HR: variants seen among roughly 807,000 people sequenced by gnomAD.
HR encodes HR lysine demethylase and nuclear receptor corepressor, also known as lysine-specific demethylase hairless.
A neutral mutation model predicts 128.6 loss-of-function variants in HR; 83 were observed. The observed-to-expected ratio is 0.65, with a 90% CI of 0.54 to 0.77. The LOEUF (loss-of-function observed/expected upper bound fraction) is 0.77, where lower values mean the gene tolerates loss of function less well. Ranked by LOEUF, HR falls within the 30% of genes least tolerant of loss-of-function variation. The pLI is 0.00. For missense variants in HR, 1,490 were observed against 1,574.6 expected, an observed-to-expected ratio of 0.95 and a Z score of 0.91; for synonymous variants, 681 against 658.2, an observed-to-expected ratio of 1.03 and a Z score of -0.53.
At chr8:22,126,989 G>T in intron 3 of HR, 48 bp downstream of exon 3, 1 of 893,294 alleles carries the variant, frequency 1.1e-6, no homozygotes, top group Non-Finnish European at 1.8e-6. Flanking sequence ...CCCCAGCCCC[G>T]GCTGCCCCCT....
intron 14 of HR, 150 bp downstream of exon 14, chr8:22,119,610 C>T (rs957179979): frequency 9.7e-7 from 1 of 1,026,680 alleles, no homozygotes; most frequent in Non-Finnish European, 1.3e-6. Context: ...TCCGTCTCAA[C>T]AACAACAAAA....
Position 22,127,416 on chromosome 8 carries a change from C to G in HR, c.1026G>C (p.Gly342=). 2 of 1,613,180 alleles carry G rather than the reference C, an allele frequency of 1.2e-6. No individual in the cohort carries two copies. The highest frequency in any genetic ancestry group is 8.5e-7 in the Non-Finnish European group (1 of 1,179,802). ...PTKGGGLGPC[G]KCQEGLEGGA... ...CCCCCTCCAGGCCCTCCTGGCACTT[C>G]CCACAAGGGCCAAGACCCCCACCTT... The change falls in exon 3 of 19, where the codon GGG becomes GGC. Residue 342 remains glycine, a synonymous_variant. Transcript: ENST00000381418.
In HR at chr8:22,127,693, T is replaced by C. The variant is rs1347994461; in HGVS notation, c.749A>G (p.Gln250Arg). 1.2e-6 allele frequency: 2 copies of C among 1,609,786 alleles called. No individual in the cohort carries two copies. Among genetic ancestry groups the C allele is most frequent in the Non-Finnish European group, 1.7e-6 (2 of 1,180,000 alleles). ...GCCAGCTCCCATCTCTCCATCCCTC[T>C]GGTGCAGTGAAGGGCGTTCGGCCTC... ...AGEAERPSLHQRDGEMGAGRQ... is the reference protein window; with the variant it reads ...AGEAERPSLHRRDGEMGAGRQ... The change falls in exon 3 of 19, where the codon CAG (glutamine) becomes CGG (arginine). Residue 250 changes from glutamine (Q) to arginine (R), a missense_variant. This residue lies in a region of HR where 1,060 missense variants were observed against 1,060.9 expected (regional missense o/e 1.00). Coordinates refer to ENST00000381418, the MANE Select transcript of HR (RefSeq NM_005144.5).
At chr8:22,120,220 C>T in intron 12 of HR, 47 bp from the exon 13 acceptor site, 1 of 1,596,526 alleles carries the variant, frequency 6.3e-7, no homozygotes, top group Non-Finnish European at 8.5e-7. Flanking sequence ...GCCCTGAAGC[C>T]CCTGCCCCGG....
In HR at chr8:22,122,577, C is replaced by G; in HGVS notation, c.2037G>C (p.Gln679His). The change falls in exon 8 of 19, where the codon CAG becomes CAC. Residue 679 changes from glutamine (Q) to histidine (H), a missense_variant. Gln to His is a conservative substitution (Grantham distance 24). Around this residue, in one of 3 missense-constraint regions of HR, gnomAD observed 1,060 missense variants for 1,060.9 expected, o/e 1.00. Coordinates refer to ENST00000381418, the MANE Select transcript of HR (RefSeq NM_005144.5). ...CCCGGATATCAAACTTGACCCAGAC[C>G]TGGTGCATTGCAGTGCTCAGCTCTG... ...ALAELSTAMH[Q>H]VWVKFDIRGH... The G allele has an allele frequency of 6.2e-7, 1 of 1,609,580 alleles. No homozygotes were observed. Among genetic ancestry groups the G allele is most frequent in the Non-Finnish European group, 8.5e-7 (1 of 1,177,394 alleles).
chr8:22,126,997 C>G (rs762847045), intron 3 of HR, 40 bp downstream of exon 3: 2 of 1,582,264 alleles, frequency 1.3e-6, no homozygotes, highest in East Asian at 2.2e-5. Context: ...CCGGCTGCCC[C>G]CTCCCACGCA....
chr8:22,123,617 T>TCAC, intron 6 of HR, 32 bp downstream of exon 6: 69 of 292,092 alleles, frequency 2.4e-4, no homozygotes, highest in South Asian at 5.8e-4. Context: ...GAGGGCTCCA[T>TCAC]CCCGCCCTCC....
intron 5 of HR, among the ~76,000 whole-genome samples, chr8:22,124,781 C>T (rs756181013): frequency 4.6e-5 from 7 of 152,084 alleles, no homozygotes; most frequent in African/African-American, 1.2e-4. Context: ...TCCAGGGAGC[C>T]GGGAAGGGAA....
In HR at chr8:22,119,839, A is replaced by G. The variant is rs773484779; in HGVS notation, c.2898T>C (p.His966=). 3.1e-6 allele frequency: 5 copies of G among 1,613,706 alleles called. No homozygotes were observed. In the East Asian group the frequency reaches 8.9e-5, roughly 29 times the overall value. Residue 966 remains histidine, a synonymous_variant, in exon 14 of 19, where the codon CAT becomes CAC. Transcript: ENST00000381418. The part of the protein sequence containing the change: ...SLPLPEYCAL[H]GKLNLASYLP... The stretch of plus-strand genomic sequence containing the variant: ...GGTAGGAAGCCAGGTTGAGTTTTCC[A>G]TGGAGGGCGCAGTACTCCGGAAGTG...
At position 22,125,481 on chromosome 8, in the gene HR, T is replaced by G. The variant is rs1180706531; in HGVS notation, c.1580A>C (p.Gln527Pro). The G allele has an allele frequency of 1.2e-6, 2 of 1,613,540 alleles. No individual in the cohort carries two copies. Among genetic ancestry groups the G allele is most frequent in the Admixed American group, 1.7e-5 (1 of 60,012 alleles). Reference protein sequence around the residue: ...VRRSPLGGELQQEEDTATNSS... With the variant: ...VRRSPLGGELPQEEDTATNSS... ...GTTGGTGGCTGTGTCTTCCTCCTGC[T>G]GCAGCTCCCCTCCCAGAGGCGATCT... Residue 527 changes from glutamine to proline, a missense_variant, in exon 5 of 19, where the codon CAG (glutamine) becomes CCG (proline). Physicochemically the swap from Gln to Pro is moderately conservative, Grantham distance 76. Around this residue, in one of 3 missense-constraint regions of HR, gnomAD observed 1,060 missense variants for 1,060.9 expected, o/e 1.00. Coordinates refer to ENST00000381418, the MANE Select transcript of HR (RefSeq NM_005144.5).
chr8:22,120,299 C>G, intron 12 of HR, 43 bp downstream of exon 12: 1 of 1,613,490 alleles, frequency 6.2e-7, no homozygotes, highest in Non-Finnish European at 8.5e-7. Context: ...ATCCCTAGGG[C>G]TTGGGCTCCC....
rs141610553 is a variant in HR at position 22,119,379 on chromosome 8, C to A, written c.2978-96G>T. ...ATCCTGGCACTTTGGGAGGCCCAGG[C>A]GGGCAGATCACCTGAGGTCAGGAGT... On this transcript the variant is annotated intron_variant, in intron 14 of 18. Transcript: ENST00000381418. 5,232 of 1,547,608 alleles carry A rather than the reference C, an allele frequency of 3.4e-3. 124 individuals carry two copies. In the African/African-American group the frequency reaches 0.057, roughly 17 times the overall value.
rs1347968074 is a variant in HR at position 22,125,716 on chromosome 8, C to T, written c.1422G>A (p.Gln474=). Residue 474 remains glutamine, a synonymous_variant, in exon 4 of 19, where the codon CAG becomes CAA. Transcript: ENST00000381418. ...GAAGTCCCGGGTCCTGGAGACTGGC[C>T]TGGCCATCTTGGGGTCCTGAGGGGA... ...HDEQKGPQDG[Q]ASLQDPGLQD... The T allele has an allele frequency of 1.2e-6, 2 of 1,613,900 alleles. No individual in the cohort carries two copies. The highest frequency in any genetic ancestry group is 1.3e-5 in the African/African-American group (1 of 75,048).
intron 2 of HR, chr8:22,128,220 A>T (rs1359875291): frequency 1.9e-6 from 1 of 514,702 alleles, no homozygotes; most frequent in African/African-American, 1.9e-5. Context: ...TCCCCTGCAC[A>T]TCCCAGTCTC....
At chr8:22,126,987 C>CCCCCCCCCCCCCGGCCCG in intron 3 of HR, 50 bp downstream of exon 3, 1 of 1,548,430 alleles carries the variant, frequency 6.5e-7, no homozygotes, top group Non-Finnish European at 8.8e-7. Context: ...AGCCCCAGCC[C>CCCCCCCCCCCCCGGCCCG]CGGCTGCCCC....
At chr8:22,129,625 AGT>A (rs1366219342) in intron 1 of HR, among the ~76,000 whole-genome samples, 2 of 152,238 alleles carry the variant, frequency 1.3e-5, no homozygotes, top group Non-Finnish European at 2.9e-5. Context: ...TCTGGGCCTC[AGT>A]GTGCCCTTGA....
At chr8:22,122,958 G>A (rs1826793459) in intron 6 of HR, 79 bp from the exon 7 acceptor site, 2 of 1,360,680 alleles carry the variant, frequency 1.5e-6, no homozygotes, top group East Asian at 5.0e-5. Context: ...GTCAGGACAT[G>A]ATACCTAAAC....
chr8:22,127,388 C>A lies in HR; in HGVS notation c.1054G>T (p.Ala352Ser). ...TCGCTGGGTTCGCTGGCTCCACTGG[C>A]ACCCCCCTCCAGGCCCTCCTGGCAC... The part of the protein sequence containing the change: ...GKCQEGLEGG[A>S]SGASEPSEEV... Residue 352 changes from alanine (A) to serine (S), a missense_variant, in exon 3 of 19, where the codon GCC (alanine) becomes TCC (serine). By Grantham distance (99) the Ala-to-Ser change is moderately conservative. This residue lies in a region of HR where 1,060 missense variants were observed against 1,060.9 expected (regional missense o/e 1.00). Coordinates refer to ENST00000381418, the MANE Select transcript of HR (RefSeq NM_005144.5). 6.2e-7 allele frequency: 1 copy of A among 1,613,342 alleles called. No homozygotes were observed. Among genetic ancestry groups the A allele is most frequent in the East Asian group, 2.2e-5 (1 of 44,858 alleles).
rs1024627971 is a variant in HR at position 22,123,730 on chromosome 8, A to C, written c.1834T>G (p.Trp612Gly). Residue 612 changes from tryptophan to glycine, a missense_variant, in exon 6 of 19, where the codon TGG becomes GGG. Trp to Gly is a radical substitution (Grantham distance 184). This residue lies in a region of HR where 1,060 missense variants were observed against 1,060.9 expected (regional missense o/e 1.00). Coordinates refer to ENST00000381418, the MANE Select transcript of HR (RefSeq NM_005144.5). ...CGGTGGCTGCAGCGGGGACATCGCC[A>C]GTGGGTGTTGAAGAGTCCATGGTGG... ...RCHHGLFNTH[W>G]RCPRCSHRLC... 1 of 1,592,722 alleles carries C rather than the reference A, an allele frequency of 6.3e-7. No individual in the cohort carries two copies. Among genetic ancestry groups the C allele is most frequent in the African/African-American group, 1.3e-5 (1 of 74,696 alleles).
Sources: gnomAD v4.1 joint callset for allele counts (sites outside exome capture counted in the v4.1 genomes callset) on GRCh38, gnomAD v4.1.1 for gene constraint, gnomAD v4.1.1 regional missense constraint, MANE v1.5 for transcripts, NCBI Gene and HGNC (gene_info 2026-07-23, HGNC 2026-07-21) for gene names.